CHL1: variants seen among roughly 807,000 people sequenced by gnomAD.
CHL1 encodes the protein cell adhesion molecule L1 like.
Under a neutral mutation model 141.9 loss-of-function variants are expected in CHL1, and 96 were observed. That is an observed-to-expected ratio of 0.68 (90% CI 0.57 to 0.80). The LOEUF is 0.80. Ranked by LOEUF, CHL1 falls within the 30% of genes least tolerant of loss-of-function variation. The pLI, the probability that CHL1 is intolerant of heterozygous loss-of-function variation, is 0.00. For synonymous variants in CHL1, 613 were observed against 502.2 expected (o/e 1.22, Z -2.95); for missense variants, 1,820 against 1,457.2 (o/e 1.25, Z -4.05).
chr3:353,104 T>C (rs1430408653), intron 10 of CHL1, among the ~76,000 whole-genome samples: 1 of 152,216 alleles, frequency 6.6e-6, no homozygotes, highest in Non-Finnish European at 1.5e-5. Flanking sequence ...CGTGATAATT[T>C]GGAACCTCTT....
At chr3:251,255 G>A (rs1693669079) in intron 2 of CHL1, among the ~76,000 whole-genome samples, 1 of 152,016 alleles carries the variant, frequency 6.6e-6, no homozygotes, top group African/African-American at 2.4e-5. Context: ...GTGCTGGGGA[G>A]GTAAAAAATT....
intron 2 of CHL1, among the ~76,000 whole-genome samples, chr3:287,585 T>G (rs1192978231): frequency 6.6e-6 from 1 of 152,238 alleles, no homozygotes; most frequent in East Asian, 1.9e-4. Context: ...CAGTCTTTGA[T>G]TTGATATATT....
intron 1 of CHL1, among the ~76,000 whole-genome samples, chr3:202,114 A>G (rs1438920060): frequency 6.6e-6 from 1 of 152,214 alleles, no homozygotes; most frequent in African/African-American, 2.4e-5. Flanking sequence ...TGGCTTAGTC[A>G]TGTTGACCTC....
chr3:233,747 A>G (rs1271240844), intron 1 of CHL1, among the ~76,000 whole-genome samples: 2 of 152,118 alleles, frequency 1.3e-5, no homozygotes, highest in Admixed American at 6.6e-5. Context: ...TTCTTTAAAA[A>G]CACAACTTTT....
intron 1 of CHL1, among the ~76,000 whole-genome samples, chr3:242,489 G>A (rs1378677430): frequency 2.0e-5 from 3 of 151,586 alleles, no homozygotes; most frequent in Non-Finnish European, 2.9e-5. Flanking sequence ...CCAGCTACCT[G>A]GGAGGCTGAG....
intron 2 of CHL1, among the ~76,000 whole-genome samples, chr3:285,892 G>C (rs550708059): frequency 1.3e-5 from 2 of 152,110 alleles, no homozygotes; most frequent in Non-Finnish European, 2.9e-5. Context: ...GTTGCAATGA[G>C]AGAGAAAGCA....
chr3:210,430 C>T lies in CHL1; in HGVS notation c.-175+13367C>T, dbSNP rs147889086. On this transcript the variant is annotated intron_variant, in intron 1 of 27. Transcript: ENST00000256509. ...AGTGGCTGGGGTGGGCTGGTGGCCCCAGGATGGCTTCCCTCACATGACCCA... is the reference window on the plus strand; with the variant it reads ...AGTGGCTGGGGTGGGCTGGTGGCCCTAGGATGGCTTCCCTCACATGACCCA... 1.6e-3 allele frequency among the ~76,000 whole-genome samples: 248 copies of T among 152,300 alleles called. 1 individual carries two copies. The highest frequency in any genetic ancestry group is 2.9e-3 in the Non-Finnish European group (194 of 68,024).
intron 2 of CHL1, among the ~76,000 whole-genome samples, chr3:317,488 G>C (rs939456311): frequency 6.6e-6 from 1 of 151,656 alleles, no homozygotes; most frequent in African/African-American, 2.4e-5. Flanking sequence ...GGAAAGTCTT[G>C]CTCCTTACAA....
intron 2 of CHL1, among the ~76,000 whole-genome samples, chr3:261,576 T>C (rs943521018): frequency 6.6e-6 from 1 of 152,156 alleles, no homozygotes; most frequent in South Asian, 2.1e-4. Context: ...ATCTTACTTG[T>C]AAAATATATG....
At chr3:376,797 T>C (rs1706382585) in intron 15 of CHL1, among the ~76,000 whole-genome samples, 1 of 152,220 alleles carries the variant, frequency 6.6e-6, no homozygotes, top group Non-Finnish European at 1.5e-5. Context: ...CAAAGTTTTA[T>C]TATGTCTAGA....
At position 408,143 on chromosome 3, in the gene CHL1, A is replaced by C. The variant is rs1220740860; in HGVS notation, c.*2432A>C. 1 of 152,160 alleles carries C rather than the reference A, an allele frequency of 6.6e-6. No homozygotes were observed. The highest frequency in any genetic ancestry group is 1.5e-5 in the Non-Finnish European group (1 of 68,016). The allele number at this position is 152,160 out of a possible 1,614,324, so 9.4% of individuals were successfully genotyped here. On this transcript the variant is annotated 3_prime_UTR_variant, in exon 28 of 28. Transcript: ENST00000256509. ...TTTCATGATTTTCCCTCAGAAAATG[A>C]GTAACAGAGTCCACGGCGTGCAATG...
intron 1 of CHL1, among the ~76,000 whole-genome samples, chr3:222,268 T>A (rs1373806078): frequency 6.6e-6 from 1 of 152,212 alleles, no homozygotes; most frequent in Non-Finnish European, 1.5e-5. Flanking sequence ...AGAATCTGTT[T>A]ACTTGCCTTT....
chr3:387,783 A>G (rs759892745), intron 19 of CHL1, among the ~76,000 whole-genome samples: 39 of 152,230 alleles, frequency 2.6e-4, no homozygotes, highest in South Asian at 8.3e-4. Context: ...AAACTTTCCA[A>G]TGAATCCAAG....
In CHL1 at chr3:342,027, T is replaced by G; in HGVS notation, c.624T>G (p.Phe208Leu). Residue 208 changes from phenylalanine to leucine, a missense_variant, in exon 7 of 28, where the codon TTT (phenylalanine) becomes TTG (leucine). Coordinates refer to ENST00000256509, the MANE Select transcript of CHL1 (RefSeq NM_006614.4). ...ATGACTACTGTTGCTTTGCTGCATT[T>G]CCAAGATTAAGGACTATTGTACAGA... ...SRNDYCCFAA[F>L]PRLRTIVQKM... 1.9e-6 allele frequency: 3 copies of G among 1,613,674 alleles called. No homozygotes were observed. The highest frequency in any genetic ancestry group is 2.5e-6 in the Non-Finnish European group (3 of 1,179,644).
intron 2 of CHL1, among the ~76,000 whole-genome samples, chr3:312,208 AT>A (rs1433375920): frequency 6.6e-6 from 1 of 152,220 alleles, no homozygotes; most frequent in African/African-American, 2.4e-5. Flanking sequence ...CATTTTCCCA[AT>A]AAAATCAATT....
At chr3:300,766 GAA>G (rs35652774) in intron 2 of CHL1, among the ~76,000 whole-genome samples, 1 of 147,724 alleles carries the variant, frequency 6.8e-6, no homozygotes, top group African/African-American at 2.5e-5. Context: ...TTATTTCTAG[GAA>G]AAAAAAAAGT....
chr3:349,987 T>C (rs1703105075), intron 10 of CHL1, among the ~76,000 whole-genome samples: 1 of 152,186 alleles, frequency 6.6e-6, no homozygotes, highest in African/African-American at 2.4e-5. Context: ...TACCTCAGGC[T>C]CTTCACCAAA....
At chr3:331,688 T>G (rs962192740) in intron 5 of CHL1, among the ~76,000 whole-genome samples, 2 of 152,176 alleles carry the variant, frequency 1.3e-5, no homozygotes, top group African/African-American at 4.8e-5. Context: ...AGATAAAAAT[T>G]ATTGATAATG....
intron 1 of CHL1, among the ~76,000 whole-genome samples, chr3:199,717 A>G (rs1354230016): frequency 6.6e-6 from 1 of 152,184 alleles, no homozygotes; most frequent in Non-Finnish European, 1.5e-5. Flanking sequence ...AATAGAGCTC[A>G]CCCAGAAAAA....
Sources: gnomAD v4.1 joint callset for allele counts (sites outside exome capture counted in the v4.1 genomes callset) on GRCh38, gnomAD v4.1.1 for gene constraint, MANE v1.5 for transcripts, NCBI Gene and HGNC (gene_info 2026-07-23, HGNC 2026-07-21) for gene names.